Variants in RBFOX1 observed in about 807,000 individuals in gnomAD.
The protein encoded by RBFOX1 is RNA binding fox-1 homolog 1, also known as RNA binding protein fox-1 homolog 1.
A neutral mutation model predicts 57.7 loss-of-function variants in RBFOX1; 8 were observed. The observed-to-expected ratio is 0.14, with a 90% CI of 0.08 to 0.25. The LOEUF (loss-of-function observed/expected upper bound fraction) is 0.25, where lower values mean the gene tolerates loss of function less well. Among genes scored for constraint, RBFOX1 ranks in the 10% least tolerant of loss-of-function variants. RBFOX1 has a pLI of 1.00. For synonymous variants in RBFOX1, 326 were observed against 222.4 expected, an observed-to-expected ratio of 1.47 and a Z score of -4.15; for missense variants, 611 against 548.5, an observed-to-expected ratio of 1.11 and a Z score of -1.14.
intron 4 of RBFOX1, among the ~76,000 whole-genome samples, chr16:5,913,041 T>A (rs145987393): frequency 2.4e-4 from 36 of 152,296 alleles, no homozygotes; most frequent in African/African-American, 8.7e-4. Flanking sequence ...ACTCTAGCAT[T>A]GCCAAGCGTG....
intron 3 of RBFOX1, among the ~76,000 whole-genome samples, chr16:6,753,349 A>T (rs768805381): frequency 6.6e-6 from 1 of 152,214 alleles, no homozygotes; most frequent in Non-Finnish European, 1.5e-5. Context: ...TATTGGAAAA[A>T]TATGGTACAA....
At chr16:5,664,287 C>G (rs149715251) in intron 3 of RBFOX1, among the ~76,000 whole-genome samples, 1 of 152,280 alleles carries the variant, frequency 6.6e-6, no homozygotes, top group East Asian at 1.9e-4. Flanking sequence ...CAGTGGCTCA[C>G]GCCTATAATC....
chr16:5,572,949 G>A (rs571180240), intron 2 of RBFOX1, among the ~76,000 whole-genome samples: 1 of 152,254 alleles, frequency 6.6e-6, no homozygotes, highest in African/African-American at 2.4e-5. Context: ...AGACTGGGGG[G>A]TGATTGAAGG....
intron 3 of RBFOX1, among the ~76,000 whole-genome samples, chr16:6,820,263 C>A (rs1049760881): frequency 3.3e-5 from 5 of 152,142 alleles, no homozygotes; most frequent in African/African-American, 1.2e-4. Context: ...TATAAATTGT[C>A]CAGTCTCAGG....
At chr16:7,543,748 A>C (rs1022076203) in intron 5 of RBFOX1, among the ~76,000 whole-genome samples, 3 of 146,716 alleles carry the variant, frequency 2.0e-5, no homozygotes, top group African/African-American at 7.6e-5. Context: ...ATTTTTTTCA[A>C]ATGGACTCTG....
chr16:6,093,930 T>G (rs569322942), intron 1 of RBFOX1, among the ~76,000 whole-genome samples: 15 of 152,276 alleles, frequency 9.9e-5, no homozygotes, highest in African/African-American at 3.6e-4. Context: ...TGTATATTGT[T>G]TGAGAAGTCA....
chr16:7,667,003 A>T (rs947919025), intron 13 of RBFOX1, among the ~76,000 whole-genome samples: 1 of 151,950 alleles, frequency 6.6e-6, no homozygotes, highest in African/African-American at 2.4e-5. Context: ...TCAGGCCACG[A>T]CCCCCAGCCA....
chr16:5,688,455 T>C (rs893015965), intron 3 of RBFOX1, among the ~76,000 whole-genome samples: 1 of 152,190 alleles, frequency 6.6e-6, no homozygotes, highest in Non-Finnish European at 1.5e-5. Context: ...AATTCCTGAG[T>C]GCATTTTAGC....
chr16:7,674,378 GAGTTCAAT>G (rs1001957084), intron 13 of RBFOX1, among the ~76,000 whole-genome samples: 2 of 152,074 alleles, frequency 1.3e-5, no homozygotes, highest in Non-Finnish European at 2.9e-5. Context: ...TACCTTTCAA[GAGTTCAAT>G]AGTCATTTAC....
intron 6 of RBFOX1, among the ~76,000 whole-genome samples, chr16:7,580,452 C>A (rs1179622472): frequency 6.6e-6 from 1 of 152,106 alleles, no homozygotes; most frequent in Admixed American, 6.6e-5. Context: ...CCACCACCAC[C>A]GACACCAAAT....
chr16:7,159,313 C>T (rs556646774), intron 4 of RBFOX1, among the ~76,000 whole-genome samples: 2 of 152,126 alleles, frequency 1.3e-5, no homozygotes, highest in African/African-American at 2.4e-5. Context: ...CTGCGTCATG[C>T]CTATCCCAGA....
chr16:6,771,636 C>T (rs969193099), intron 3 of RBFOX1, among the ~76,000 whole-genome samples: 3 of 152,178 alleles, frequency 2.0e-5, no homozygotes, highest in Non-Finnish European at 2.9e-5. Flanking sequence ...GACAATTTTG[C>T]TCCTCAGGAG....
At chr16:7,188,530 G>A (rs1279766281) in intron 4 of RBFOX1, among the ~76,000 whole-genome samples, 1 of 152,130 alleles carries the variant, frequency 6.6e-6, no homozygotes, top group Non-Finnish European at 1.5e-5. Context: ...GTGGGTGTCT[G>A]CACCTTTTCT....
At chr16:6,195,727 G>GAA (rs79692676) in intron 1 of RBFOX1, among the ~76,000 whole-genome samples, 2 of 124,584 alleles carry the variant, frequency 1.6e-5, no homozygotes, top group South Asian at 2.6e-4. Context: ...CTTTAAAAAA[G>GAA]AAAAAAAAAA....
At chr16:6,390,076 A>T (rs1331960939) in intron 2 of RBFOX1, among the ~76,000 whole-genome samples, 1 of 152,234 alleles carries the variant, frequency 6.6e-6, no homozygotes, top group South Asian at 2.1e-4. Flanking sequence ...ACCTGAGAGA[A>T]GTCCCAGCTG....
intron 3 of RBFOX1, among the ~76,000 whole-genome samples, chr16:6,727,456 C>T (rs1305424785): frequency 1.3e-5 from 2 of 151,822 alleles, no homozygotes; most frequent in African/African-American, 4.8e-5. Context: ...CCGCTGCTTC[C>T]ACCTACACCA....
rs570358262 is a variant in RBFOX1, at chr16:6,043,120, GAAAAAAAAAAAAAAAAAAAAAAA to G, written c.-127+23148_-127+23170del. Among the ~76,000 whole-genome samples, 44 of 70,236 alleles carry G rather than the reference GAAAAAAAAAAAAAAAAAAAAAAA, an allele frequency of 6.3e-4. 2 individuals are homozygous for G. The South Asian group carries it at 0.011, about 17-fold the overall frequency. 46.1% of individuals were successfully genotyped at this position (70,236 alleles called of 152,430 possible). A position where few individuals can be genotyped will look rare whatever the true frequency, so the allele number is the denominator to read the frequency against. On this transcript the variant is annotated intron_variant, in intron 1 of 15. Transcript: ENST00000550418. ...GCGACAGAGCAAGATTGTGTTTCCA[GAAAAAAAAAAAAAAAAAAAAAAA>G]AAAAAAAAAAAAAAAAAAAGATAAG...
intron 1 of RBFOX1, among the ~76,000 whole-genome samples, chr16:6,218,802 A>G (rs1330971724): frequency 6.6e-6 from 1 of 151,988 alleles, no homozygotes; most frequent in Non-Finnish European, 1.5e-5. Flanking sequence ...CCGAAGTCGG[A>G]ATCTCAGTTA....
At chr16:5,561,581 G>A (rs2045892593) in intron 2 of RBFOX1, among the ~76,000 whole-genome samples, 1 of 152,044 alleles carries the variant, frequency 6.6e-6, no homozygotes, top group Admixed American at 6.6e-5. Flanking sequence ...ACCAGGGAAG[G>A]GGTGACGATA....
Sources: allele counts gnomAD v4.1 joint callset (sites outside exome capture counted in the v4.1 genomes callset), GRCh38; gene constraint gnomAD v4.1.1; transcripts MANE v1.5; gene names NCBI Gene and HGNC (gene_info 2026-07-23, HGNC 2026-07-21).